TNRC6A: variants seen among roughly 807,000 people sequenced by gnomAD.
TNRC6A encodes the protein trinucleotide repeat containing adaptor 6A, also known as trinucleotide repeat-containing gene 6A protein.
Under a neutral mutation model 221.2 loss-of-function variants are expected in TNRC6A, and 44 were observed. The observed-to-expected ratio is 0.20, with a 90% confidence interval of 0.16 to 0.26. TNRC6A has a LOEUF of 0.26. Among genes scored for constraint, TNRC6A ranks in the 10% least tolerant of loss-of-function variants. TNRC6A has a pLI of 1.00. For missense variants in TNRC6A, 2,199 were observed against 2,404.4 expected (o/e 0.91, Z 1.79); for synonymous variants, 847 against 838.5 (o/e 1.01, Z -0.18).
chr16:24,729,903 GC>G, intron 1 of TNRC6A, 57 bp downstream of exon 1: 1 of 1,200,068 alleles, frequency 8.3e-7, no homozygotes, highest in Admixed American at 4.5e-5. Flanking sequence ...CTGCCGCAGG[GC>G]CCGCAACCCG....
intron 2 of TNRC6A, among the ~76,000 whole-genome samples, chr16:24,723,861 C>T (rs1295699600): frequency 6.6e-6 from 1 of 152,072 alleles, no homozygotes; most frequent in Admixed American, 6.5e-5. Flanking sequence ...ATGTCTTCAG[C>T]ATAACTACAG....
chr16:24,790,455 G>C lies in TNRC6A; in HGVS notation c.1813G>C (p.Ala605Pro). The C allele has an allele frequency of 2.5e-6, 4 of 1,614,236 alleles. No individual in the cohort carries two copies. The highest frequency in any genetic ancestry group is 3.4e-6 in the Non-Finnish European group (4 of 1,180,044). The change falls in exon 6 of 25, where the codon GCA becomes CCA. Residue 605 changes from alanine (A) to proline (P), a missense_variant. Physicochemically the swap from Ala to Pro is conservative, Grantham distance 27. Coordinates refer to ENST00000395799, the MANE Select transcript of TNRC6A (RefSeq NM_014494.4). The stretch of plus-strand genomic sequence containing the variant: ...AAGTCGAAGAGGATGGGGAACCCCT[G>C]CACAAAACACTGGCACTAATTTACC... ...GGSRRGWGTP[A>P]QNTGTNLPSV...
intron 2 of TNRC6A, among the ~76,000 whole-genome samples, chr16:24,701,398 C>T (rs1416970138): frequency 1.3e-5 from 2 of 151,244 alleles, no homozygotes; most frequent in African/African-American, 4.9e-5. Flanking sequence ...CGGAGTCTCG[C>T]TCTGTCGCCC....
rs769202736 is a variant in TNRC6A at position 24,816,924 on chromosome 16, G to A, written c.4940G>A (p.Arg1647Gln). ...VINNLSINTV[R>Q]EVDHLRDRNS... The stretch of plus-strand genomic sequence containing the variant: ...AACAATCTTTCAATTAATACTGTGC[G>A]GGAAGTTGACCACCTCAGGGACAGG... Residue 1647 changes from arginine (R) to glutamine (Q), a missense_variant, in exon 20 of 25, where the codon CGG (arginine) becomes CAG (glutamine). Coordinates refer to ENST00000395799, the MANE Select transcript of TNRC6A (RefSeq NM_014494.4). 3 of 1,613,978 alleles carry A rather than the reference G, an allele frequency of 1.9e-6. No homozygotes were observed. Among genetic ancestry groups the A allele is most frequent in the South Asian group, 2.2e-5 (2 of 91,034 alleles).
At chr16:24,802,294 A>G (rs1282892276) in intron 11 of TNRC6A, among the ~76,000 whole-genome samples, 1 of 152,208 alleles carries the variant, frequency 6.6e-6, no homozygotes, top group Non-Finnish European at 1.5e-5. Context: ...CATGACTGTG[A>G]TCCCAGCACT....
rs116053536 is a variant in TNRC6A at position 24,656,878 on chromosome 16, A to G, written n.402+15869A>G. On this transcript the variant is annotated intron_variant and non_coding_transcript_variant, in intron 2 of 2. Transcript: ENST00000566108. ...AAAAATAAAATGTTTCACATAAAAG[A>G]AGTATGAAAAAGAACAAAATGACCC... is the stretch of plus-strand genomic sequence containing the variant. Among the ~76,000 whole-genome samples, 295 of 152,326 alleles carry G rather than the reference A, an allele frequency of 1.9e-3. 2 individuals carry two copies. Among genetic ancestry groups the G allele is most frequent in the African/African-American group, 6.9e-3 (285 of 41,584 alleles).
At chr16:24,711,982 C>T (rs977353505) in intron 2 of TNRC6A, among the ~76,000 whole-genome samples, 7 of 151,588 alleles carry the variant, frequency 4.6e-5, no homozygotes, top group African/African-American at 1.7e-4. Flanking sequence ...ATTTTTAGTT[C>T]AGTAATTTTT....
At chr16:24,817,505 C>T (rs917349601) in intron 20 of TNRC6A, among the ~76,000 whole-genome samples, 1 of 151,902 alleles carries the variant, frequency 6.6e-6, no homozygotes, top group Non-Finnish European at 1.5e-5. Flanking sequence ...AGAATAAGAC[C>T]AATTTAAGGA....
chr16:24,669,847 C>A (rs1211886478), intron 2 of TNRC6A, among the ~76,000 whole-genome samples: 3 of 150,520 alleles, frequency 2.0e-5, no homozygotes, highest in Non-Finnish European at 2.9e-5. Context: ...ATAATAGCAA[C>A]CATTTACTGG....
intron 8 of TNRC6A, 139 bp from the exon 9 acceptor site, chr16:24,795,768 T>C (rs1440605249): frequency 1.5e-6 from 1 of 661,792 alleles, no homozygotes; most frequent in Non-Finnish European, 2.5e-6. Flanking sequence ...AATTTGAGAC[T>C]GGAAAAGGTG....
At chr16:24,643,908 C>T (rs1902129544) in intron 2 of TNRC6A, among the ~76,000 whole-genome samples, 1 of 152,068 alleles carries the variant, frequency 6.6e-6, no homozygotes, top group Non-Finnish European at 1.5e-5. Flanking sequence ...AACTTGGCTC[C>T]TTCAGCTTCC....
chr16:24,756,087 A>T (rs911263922), intron 3 of TNRC6A, among the ~76,000 whole-genome samples: 1 of 152,174 alleles, frequency 6.6e-6, no homozygotes, highest in Non-Finnish European at 1.5e-5. Context: ...ATTAATTTTA[A>T]TATATTTTAT....
intron 2 of TNRC6A, among the ~76,000 whole-genome samples, chr16:24,678,182 A>G (rs891875421): frequency 2.6e-5 from 4 of 152,062 alleles, no homozygotes; most frequent in African/African-American, 4.8e-5. Context: ...GTAGTGGTGC[A>G]CACCTGTAAT....
chr16:24,806,120 CTG>C, intron 15 of TNRC6A, 84 bp from the exon 16 acceptor site: 4 of 1,490,530 alleles, frequency 2.7e-6, no homozygotes, highest in Non-Finnish European at 3.7e-6. Context: ...CGTCGTGCCT[CTG>C]TAGGTCCATC....
upstream of TNRC6A, among the ~76,000 whole-genome samples, chr16:24,726,533 C>G (rs1344393008): frequency 1.3e-5 from 2 of 152,070 alleles, no homozygotes; most frequent in African/African-American, 4.8e-5. Context: ...GTTTGGCACC[C>G]TCAAAGTCAT....
intron 19 of TNRC6A, 186 bp from the exon 20 acceptor site, chr16:24,816,630 G>T (rs941992226): frequency 4.4e-6 from 3 of 687,576 alleles, no homozygotes; most frequent in African/African-American, 1.8e-5. Flanking sequence ...AAACTTGCAA[G>T]TAATTTATAA....
intron 2 of TNRC6A, among the ~76,000 whole-genome samples, chr16:24,658,648 G>A (rs1382766743): frequency 6.6e-6 from 1 of 151,576 alleles, no homozygotes; most frequent in Admixed American, 6.6e-5. Context: ...ATGAGCCACA[G>A]AGCCCCACCC....
At chr16:24,746,355 G>T (rs1198312219) in intron 2 of TNRC6A, among the ~76,000 whole-genome samples, 2 of 152,186 alleles carry the variant, frequency 1.3e-5, no homozygotes, top group African/African-American at 2.4e-5. Context: ...GAGCCCAGGA[G>T]TTTGACACCA....
At chr16:24,776,199 C>T in intron 4 of TNRC6A, 1 of 920,868 alleles carries the variant, frequency 1.1e-6, no homozygotes, top group Non-Finnish European at 1.3e-6. Context: ...AAGGCATTTC[C>T]ATCCGTTTTA....
Sources: gnomAD v4.1 joint callset for allele counts (sites outside exome capture counted in the v4.1 genomes callset) on GRCh38, gnomAD v4.1.1 for gene constraint, MANE v1.5 for transcripts, NCBI Gene and HGNC (gene_info 2026-07-23, HGNC 2026-07-21) for gene names.